MGAT4C: variants seen among roughly 807,000 people sequenced by gnomAD.
MGAT4C encodes the protein alpha-1,3-mannosyl-glycoprotein 4-beta-N-acetylglucosaminyltransferase C.
Under a neutral mutation model 40.1 loss-of-function variants are expected in MGAT4C, and 19 were observed. The ratio of observed to expected loss-of-function variants is 0.47; its 90% CI spans 0.33 to 0.70. The LOEUF (loss-of-function observed/expected upper bound fraction) is 0.70. Ranked by LOEUF, MGAT4C falls within the 30% of genes least tolerant of loss-of-function variation. The probability of loss-of-function intolerance (pLI) is 0.02; values close to 1 mark genes in which losing one functional copy is unlikely to be tolerated. For missense variants in MGAT4C, 491 were observed against 563.2 expected (o/e 0.87, Z 1.30); for synonymous variants, 181 against 187.1 (o/e 0.97, Z 0.27).
rs75802541 is a variant in MGAT4C, at chr12:86,107,368, G to C, written c.-56-57645C>G. Among the ~76,000 whole-genome samples the C allele has an allele frequency of 0.022, 3,368 of 152,204 alleles. 262 individuals carry two copies. The East Asian group carries it at 0.28, about 13-fold the overall frequency. ...TGAAAATCATTGTATGTGTGTGTGT[G>C]TGTGTTTAATTTTTAAGGAACAAGA... On this transcript the variant is annotated intron_variant, in intron 1 of 4. Coordinates refer to ENST00000611864, the MANE Select transcript of MGAT4C (RefSeq NM_001351288.2).
Position 86,519,576 on chromosome 12 carries a change from T to C in MGAT4C, c.-228-84311A>G, listed in dbSNP as rs539506996. Among the ~76,000 whole-genome samples the C allele has an allele frequency of 1.7e-4, 26 of 152,264 alleles. No individual in the cohort carries two copies. In the East Asian group the frequency reaches 3.5e-3, roughly 20 times the overall value. The stretch of plus-strand genomic sequence containing the variant: ...CCTTCCCAGCATCTGTTATTGCCTG[T>C]CTTTTTAAATACAAGCCATTTTAAC... On this transcript the variant is annotated intron_variant, in intron 2 of 7. Coordinates refer to the MGAT4C transcript ENST00000548651.
chr12:86,445,135 C>T (rs1039218242), intron 2 of MGAT4C, among the ~76,000 whole-genome samples: 2 of 152,072 alleles, frequency 1.3e-5, no homozygotes, highest in South Asian at 2.1e-4. Context: ...AGTATATACA[C>T]GTGTCTACAC....
At chr12:86,478,311 G>C (rs1957876574) in intron 2 of MGAT4C, among the ~76,000 whole-genome samples, 1 of 152,132 alleles carries the variant, frequency 6.6e-6, no homozygotes, top group South Asian at 2.1e-4. Flanking sequence ...AGACTGAAAA[G>C]TATTTTCCTT....
chr12:86,599,999 CAAAGT>C (rs1593029431), intron 2 of MGAT4C, among the ~76,000 whole-genome samples: 2 of 151,528 alleles, frequency 1.3e-5, no homozygotes, highest in East Asian at 2.0e-4. Flanking sequence ...AAACCAGAAA[CAAAGT>C]AAACAATTTC....
intron 2 of MGAT4C, among the ~76,000 whole-genome samples, chr12:86,604,286 G>A (rs925888737): frequency 6.6e-6 from 1 of 151,996 alleles, no homozygotes; most frequent in African/African-American, 2.4e-5. Context: ...TTATTTTCTA[G>A]GTCTCTCTAT....
chr12:86,036,123 G>A (rs760985131), intron 2 of MGAT4C, among the ~76,000 whole-genome samples: 1 of 149,948 alleles, frequency 6.7e-6, no homozygotes, highest in African/African-American at 2.4e-5. Flanking sequence ...AAAGTCAATG[G>A]TCGCTTGCTG....
At chr12:86,353,540 A>G (rs961166696) in intron 3 of MGAT4C, among the ~76,000 whole-genome samples, 1 of 152,154 alleles carries the variant, frequency 6.6e-6, no homozygotes, top group Non-Finnish European at 1.5e-5. Flanking sequence ...TGTGACCGCT[A>G]TAGGACAGAA....
At chr12:86,224,030 C>T (rs949357962) in intron 1 of MGAT4C, among the ~76,000 whole-genome samples, 1 of 152,120 alleles carries the variant, frequency 6.6e-6, no homozygotes, top group Admixed American at 6.5e-5. Flanking sequence ...AGCATTTAAG[C>T]AAGACAACTG....
At chr12:86,368,326 T>C (rs1258959631) in intron 3 of MGAT4C, among the ~76,000 whole-genome samples, 1 of 152,196 alleles carries the variant, frequency 6.6e-6, no homozygotes, top group Non-Finnish European at 1.5e-5. Flanking sequence ...TTTGTTGATT[T>C]TATCTTTCAG....
At chr12:86,473,890 G>T (rs1957791302) in intron 2 of MGAT4C, among the ~76,000 whole-genome samples, 1 of 152,060 alleles carries the variant, frequency 6.6e-6, no homozygotes, top group Non-Finnish European at 1.5e-5. Context: ...TGACTATGGA[G>T]AATTTGCATG....
At chr12:86,814,275 TATATATATAC>T (rs1952542802) in intron 1 of MGAT4C, among the ~76,000 whole-genome samples, 2 of 106,630 alleles carry the variant, frequency 1.9e-5, no homozygotes, top group African/African-American at 7.4e-5. Context: ...TACATATACG[TATATATATAC>T]ATATATATAC....
chr12:86,407,496 TA>T (rs1208314183), intron 3 of MGAT4C, among the ~76,000 whole-genome samples: 2 of 152,090 alleles, frequency 1.3e-5, no homozygotes, highest in Admixed American at 1.3e-4. Context: ...CCTCACTATT[TA>T]TGGGGAAAAA....
At chr12:86,461,880 T>C (rs1435444581) in intron 2 of MGAT4C, among the ~76,000 whole-genome samples, 2 of 152,248 alleles carry the variant, frequency 1.3e-5, no homozygotes, top group African/African-American at 4.8e-5. Flanking sequence ...TAAGGTCATA[T>C]AGCATGAAAC....
intron 1 of MGAT4C, among the ~76,000 whole-genome samples, chr12:86,134,242 A>C (rs1881635898): frequency 6.6e-6 from 1 of 152,238 alleles, no homozygotes; most frequent in East Asian, 1.9e-4. Flanking sequence ...ATTTTATTTG[A>C]TTAACCAGTA....
Position 86,225,833 on chromosome 12 carries a change from C to T in MGAT4C, c.-57+30406G>A, listed in dbSNP as rs573680532. On this transcript the variant is annotated intron_variant, in intron 1 of 4. Transcript: ENST00000611864. Reference sequence around the variant, plus strand: ...CCAAATATGACACACCCACAGCTAACATCGTATTGAATGGGGAAAAGTTGA... The same window carrying T: ...CCAAATATGACACACCCACAGCTAATATCGTATTGAATGGGGAAAAGTTGA... Among the ~76,000 whole-genome samples, 4 of 152,152 alleles carry T rather than the reference C, an allele frequency of 2.6e-5. No individual in the cohort carries two copies. In the South Asian group the frequency reaches 8.3e-4, roughly 32 times the overall value.
intron 2 of MGAT4C, among the ~76,000 whole-genome samples, chr12:86,565,302 C>T (rs1960043549): frequency 1.3e-5 from 2 of 152,178 alleles, no homozygotes; most frequent in Admixed American, 6.5e-5. Flanking sequence ...CCCACTCCTA[C>T]CACCCTGCCT....
chr12:86,013,606 T>C, intron 2 of MGAT4C: 1 of 341,246 alleles, frequency 2.9e-6, no homozygotes, highest in Non-Finnish European at 4.1e-6. Flanking sequence ...ATTATACATA[T>C]ATAAATAGAG....
chr12:86,333,684 T>G (rs1182343751), intron 4 of MGAT4C, among the ~76,000 whole-genome samples: 1 of 152,192 alleles, frequency 6.6e-6, no homozygotes, highest in Admixed American at 6.5e-5. Context: ...CCTAAGTATT[T>G]AGGCATATTA....
chr12:86,582,020 C>G (rs1001287589), intron 2 of MGAT4C, among the ~76,000 whole-genome samples: 1 of 151,342 alleles, frequency 6.6e-6, no homozygotes, highest in African/African-American at 2.4e-5. Context: ...ATGATAAGTA[C>G]AAGTTTTTGA....
Sources: allele counts gnomAD v4.1 joint callset (sites outside exome capture counted in the v4.1 genomes callset), GRCh38; gene constraint gnomAD v4.1.1; transcripts MANE v1.5; gene names NCBI Gene and HGNC (gene_info 2026-07-23, HGNC 2026-07-21).